VPS45: variants seen among roughly 807,000 people sequenced by gnomAD.
The protein encoded by VPS45 is vacuolar protein sorting 45 homolog.
VPS45 carries 35 observed loss-of-function variants against 75.9 expected under a neutral mutation model. The observed-to-expected ratio is 0.46, with a 90% CI of 0.35 to 0.61. The LOEUF is 0.61. Ranked by LOEUF, VPS45 falls within the 20% of genes least tolerant of loss-of-function variation. The pLI is 0.00. For missense variants in VPS45, 559 were observed against 685.9 expected, an observed-to-expected ratio of 0.81 and a Z score of 2.07; for synonymous variants, 220 against 238.2, an observed-to-expected ratio of 0.92 and a Z score of 0.70.
At chr1:150,101,725 A>G (rs148989220) in intron 13 of VPS45, among the ~76,000 whole-genome samples, 1 of 150,456 alleles carries the variant, frequency 6.6e-6, no homozygotes, top group African/African-American at 2.5e-5. Flanking sequence ...ACAGAGCAAG[A>G]CTCCACCTTG....
chr1:150,109,740 CA>C (rs2101607189), intron 13 of VPS45: 1 of 152,214 alleles, frequency 6.6e-6, no homozygotes. Context: ...GTTATGAAGC[CA>C]TTTTGATACG....
chr1:150,069,623 A>AT (rs1309615849), intron 2 of VPS45, among the ~76,000 whole-genome samples: 147,668 of 149,052 alleles, frequency 0.99, 73,152 homozygotes, highest in Middle Eastern at 1. Context: ...CGCCCGGCTA[A>AT]TTTTTTGTAT....
intron 13 of VPS45, among the ~76,000 whole-genome samples, chr1:150,099,566 T>C (rs1656855906): frequency 6.7e-6 from 1 of 149,162 alleles, no homozygotes; most frequent in Non-Finnish European, 1.5e-5. Flanking sequence ...CTCAAAATAA[T>C]AAGAGCCATC....
At chr1:150,113,181 G>A (rs1235012201) in intron 14 of VPS45, among the ~76,000 whole-genome samples, 1 of 151,944 alleles carries the variant, frequency 6.6e-6, no homozygotes, top group Non-Finnish European at 1.5e-5. Context: ...CCGGCAACTA[G>A]CCCTCATCCT....
At chr1:150,097,513 G>A (rs1008072391) in intron 13 of VPS45, among the ~76,000 whole-genome samples, 2 of 151,626 alleles carry the variant, frequency 1.3e-5, no homozygotes, top group East Asian at 4.0e-4. Context: ...GAGGTCAGGA[G>A]TTTGAGACCA....
chr1:150,085,957 C>T (rs1279398774), intron 10 of VPS45, among the ~76,000 whole-genome samples: 1 of 151,972 alleles, frequency 6.6e-6, no homozygotes, highest in Admixed American at 6.6e-5. Context: ...TGAGCAATTC[C>T]ACCCTTACCA....
chr1:150,068,500 A>G lies in VPS45; in HGVS notation c.94-130A>G, dbSNP rs150047560. The stretch of plus-strand genomic sequence containing the variant: ...ATGTTACCTACCTGTTTGGATGTTC[A>G]GTAAATGTTTTCCGTATATTACTAT... On this transcript the variant is annotated intron_variant, in intron 1 of 14. Transcript: ENST00000644510. The G allele has an allele frequency of 5.4e-4, 429 of 797,378 alleles. 2 individuals are homozygous for G. In the African/African-American group the frequency reaches 6.8e-3, roughly 13 times the overall value. 49.4% of individuals were successfully genotyped at this position (797,378 alleles called of 1,614,324 possible).
chr1:150,138,613 A>G (rs1659234277), intron 14 of VPS45, among the ~76,000 whole-genome samples: 1 of 152,154 alleles, frequency 6.6e-6, no homozygotes, highest in South Asian at 2.1e-4. Flanking sequence ...AGAAACCAGC[A>G]GCACTCCACC....
At chr1:150,121,366 A>G (rs1458484636) in intron 14 of VPS45, among the ~76,000 whole-genome samples, 1 of 152,158 alleles carries the variant, frequency 6.6e-6, no homozygotes, top group African/African-American at 2.4e-5. Context: ...TTGAAGGCAA[A>G]GAACCTGCCC....
At chr1:150,095,368 C>T (rs1221760434) in intron 13 of VPS45, among the ~76,000 whole-genome samples, 1 of 152,166 alleles carries the variant, frequency 6.6e-6, no homozygotes, top group Admixed American at 6.5e-5. Flanking sequence ...AATCCCAACA[C>T]TTTGGGCGGC....
At position 150,109,020 on chromosome 1, in the gene VPS45, G is replaced by GT. The variant is rs370353829; in HGVS notation, c.1494-1469dup. ...TTGTATAACTGTTTTTAGGGGGAAG[G>GT]TTTTTTTGGGGTGTTTTTGTTTGTT... is the stretch of plus-strand genomic sequence containing the variant. On this transcript the variant is annotated intron_variant, in intron 13 of 14. Coordinates refer to ENST00000644510, the MANE Select transcript of VPS45 (RefSeq NM_007259.5). 9.3e-4 allele frequency among the ~76,000 whole-genome samples: 142 copies of GT among 151,992 alleles called. 2 individuals are homozygous for GT. Among genetic ancestry groups the GT allele is most frequent in the African/African-American group, 3.0e-3 (125 of 41,474 alleles).
At chr1:150,077,429 C>T in intron 6 of VPS45, 198 bp downstream of exon 6, 1 of 801,540 alleles carries the variant, frequency 1.2e-6, no homozygotes, top group Non-Finnish European at 1.9e-6. Flanking sequence ...ACCCAAGAAA[C>T]ATTCACAAGC....
intron 14 of VPS45, among the ~76,000 whole-genome samples, chr1:150,126,138 T>A (rs1658506298): frequency 6.6e-6 from 1 of 152,170 alleles, no homozygotes; most frequent in Non-Finnish European, 1.5e-5. Flanking sequence ...AGTATAACTT[T>A]CCTAGAAAGC....
intron 14 of VPS45, among the ~76,000 whole-genome samples, chr1:150,137,471 A>G (rs1263172373): frequency 7.9e-5 from 12 of 152,222 alleles, no homozygotes; most frequent in Admixed American, 7.9e-4. Context: ...CTGTCCTGTC[A>G]TAGGGGATGA....
chr1:150,088,394 C>G (rs2127135), intron 10 of VPS45, among the ~76,000 whole-genome samples: 2,329 of 144,246 alleles, frequency 0.016, 62 homozygotes, highest in African/African-American at 0.057. Context: ...TGTTTTGCCA[C>G]AAATGACAGG....
At chr1:150,091,133 G>A (rs587770209) in intron 10 of VPS45, among the ~76,000 whole-genome samples, 3 of 152,246 alleles carry the variant, frequency 2.0e-5, no homozygotes, top group African/African-American at 7.2e-5. Context: ...CATGTATATA[G>A]CAGAATAAAT....
chr1:150,100,226 A>G (rs1340508161), intron 13 of VPS45, among the ~76,000 whole-genome samples: 1 of 152,178 alleles, frequency 6.6e-6, no homozygotes, highest in Non-Finnish European at 1.5e-5. Flanking sequence ...AAGCAATCCC[A>G]TTCACAACTG....
chr1:150,129,321 CACTGTA>C (rs1223912941), intron 14 of VPS45, among the ~76,000 whole-genome samples: 1 of 151,998 alleles, frequency 6.6e-6, no homozygotes, highest in African/African-American at 2.4e-5. Context: ...TTTGTTTGTG[CACTGTA>C]ACGTATATTT....
intron 14 of VPS45, among the ~76,000 whole-genome samples, chr1:150,114,985 A>G (rs1361745190): frequency 6.6e-6 from 1 of 151,900 alleles, no homozygotes; most frequent in African/African-American, 2.4e-5. Context: ...TAATTCAGCC[A>G]AGTTTAGAAT....
Sources: gnomAD v4.1 joint callset for allele counts (sites outside exome capture counted in the v4.1 genomes callset) on GRCh38, gnomAD v4.1.1 for gene constraint, MANE v1.5 for transcripts, NCBI Gene and HGNC (gene_info 2026-07-23, HGNC 2026-07-21) for gene names.